Variants in PLEKHG7 observed in about 807,000 individuals in gnomAD.
PLEKHG7 encodes the protein pleckstrin homology and RhoGEF domain containing G7.
In PLEKHG7, 77 loss-of-function variants were observed where a neutral mutation model predicts 85.2. That is an observed-to-expected ratio of 0.90 (90% CI 0.75 to 1.09). The LOEUF (loss-of-function observed/expected upper bound fraction) is 1.09, where lower values mean the gene tolerates loss of function less well. Among genes scored for constraint, PLEKHG7 ranks in the 50% least tolerant of loss-of-function variants. The probability of loss-of-function intolerance (pLI) is 0.00; values close to 1 mark genes in which losing one functional copy is unlikely to be tolerated. For synonymous variants in PLEKHG7, 301 were observed against 302.4 expected (o/e 1.00, Z 0.05); for missense variants, 777 against 804.3 (o/e 0.97, Z 0.41).
intron 9 of PLEKHG7, among the ~76,000 whole-genome samples, chr12:92,745,160 T>C (rs751511479): frequency 2.0e-5 from 3 of 152,178 alleles, no homozygotes; most frequent in Non-Finnish European, 4.4e-5. Context: ...GTGTGGCACC[T>C]GAAGAAAGCT....
intron 12 of PLEKHG7, 67 bp from the exon 13 acceptor site, chr12:92,756,231 G>A: frequency 3.2e-6 from 4 of 1,244,374 alleles, no homozygotes; most frequent in Non-Finnish European, 4.6e-6. Flanking sequence ...AATTGCCCCA[G>A]CTTTTTAAAC....
chr12:92,720,198 AG>A (rs765538971), intron 3 of PLEKHG7, among the ~76,000 whole-genome samples: 1 of 152,230 alleles, frequency 6.6e-6, no homozygotes, highest in Non-Finnish European at 1.5e-5. Context: ...TGAAGGCTCT[AG>A]GGGAGGACTT....
At chr12:92,769,966 TAGTCTTCAGTTTTA>T (rs1350597580) in intron 16 of PLEKHG7, 108 bp from the exon 17 acceptor site, 1 of 616,126 alleles carries the variant, frequency 1.6e-6, no homozygotes, top group African/African-American at 1.9e-5. Flanking sequence ...AATGTTTCAT[TAGTCTTCAGTTTTA>T]AAGAGCTGGT....
At chr12:92,763,316 A>C (rs544369104) in intron 14 of PLEKHG7, among the ~76,000 whole-genome samples, 1 of 152,316 alleles carries the variant, frequency 6.6e-6, no homozygotes, top group South Asian at 2.1e-4. Context: ...ATTCTAGAGC[A>C]TGGAATCTAT....
intron 5 of PLEKHG7, among the ~76,000 whole-genome samples, chr12:92,733,005 G>A (rs1428012058): frequency 1.3e-5 from 2 of 152,164 alleles, no homozygotes; most frequent in African/African-American, 4.8e-5. Flanking sequence ...CTGTTACTAT[G>A]CCTCATTCTG....
At chr12:92,758,608 T>G (rs1302345655) in intron 13 of PLEKHG7, among the ~76,000 whole-genome samples, 6 of 152,238 alleles carry the variant, frequency 3.9e-5, no homozygotes, top group Non-Finnish European at 8.8e-5. Flanking sequence ...GAAAGACTCT[T>G]TACAAACAGA....
At chr12:92,748,852 C>T (rs1872609109) in intron 10 of PLEKHG7, among the ~76,000 whole-genome samples, 2 of 152,190 alleles carry the variant, frequency 1.3e-5, no homozygotes, top group African/African-American at 4.8e-5. Flanking sequence ...GGGAGAGACT[C>T]GCAGATACCC....
At chr12:92,753,883 C>T (rs1393450158) in intron 10 of PLEKHG7, among the ~76,000 whole-genome samples, 1 of 152,242 alleles carries the variant, frequency 6.6e-6, no homozygotes, top group African/African-American at 2.4e-5. Flanking sequence ...GGCTGGAACC[C>T]ACCTATTACT....
At chr12:92,707,261 A>C (rs1477973525) in intron 2 of PLEKHG7, 123 bp downstream of exon 2, 1 of 1,444,048 alleles carries the variant, frequency 6.9e-7, no homozygotes, top group Non-Finnish European at 9.1e-7. Context: ...AGGAAGTCAC[A>C]CTGAGGGGAC....
chr12:92,770,136 A>G lies in PLEKHG7; in HGVS notation c.2017A>G (p.Ser673Gly). Residue 673 changes from serine to glycine, a missense_variant, in exon 17 of 17, where the codon AGT (serine) becomes GGT (glycine). By Grantham distance (56) the Ser-to-Gly change is moderately conservative. This residue lies in a region of PLEKHG7 where 520 missense variants were observed against 544.0 expected (regional missense o/e 0.96). Transcript: ENST00000344636. ...AACTGCAATTTCTTGCTTTACCAAG[A>G]GTCAGGAAACCAAGAAAATATCTTT... ...ITTAISCFTK[S>G]QETKKISLFT... The G allele has an allele frequency of 2.5e-6, 4 of 1,608,906 alleles. No homozygotes were observed. Among genetic ancestry groups the G allele is most frequent in the Admixed American group, 1.7e-5 (1 of 59,166 alleles).
intron 10 of PLEKHG7, among the ~76,000 whole-genome samples, chr12:92,746,999 G>A (rs1389710096): frequency 6.6e-6 from 1 of 152,074 alleles, no homozygotes; most frequent in Non-Finnish European, 1.5e-5. Flanking sequence ...GACTTCAAAA[G>A]CATAGGCAAC....
intron 12 of PLEKHG7, 24 bp downstream of exon 12, chr12:92,755,964 A>G: frequency 6.7e-7 from 1 of 1,494,178 alleles, no homozygotes; most frequent in Non-Finnish European, 9.2e-7. Context: ...ATCAATTAGG[A>G]CTTATGTCCA....
chr12:92,715,186 C>G (rs936936902), intron 3 of PLEKHG7, among the ~76,000 whole-genome samples: 1 of 152,116 alleles, frequency 6.6e-6, no homozygotes, highest in Non-Finnish European at 1.5e-5. Flanking sequence ...GTCCAATGTT[C>G]GAGGGCAGGA....
intron 1 of PLEKHG7, among the ~76,000 whole-genome samples, chr12:92,705,793 A>G (rs1871212573): frequency 6.6e-6 from 1 of 152,250 alleles, no homozygotes; most frequent in Non-Finnish European, 1.5e-5. Flanking sequence ...ACTCCCATGA[A>G]TCAAGCTGTG....
chr12:92,740,015 A>G (rs1872302555), intron 7 of PLEKHG7, among the ~76,000 whole-genome samples: 1 of 152,320 alleles, frequency 6.6e-6, no homozygotes, highest in South Asian at 2.1e-4. Flanking sequence ...GCTCTGGTGT[A>G]ACAAAGTTGC....
intron 3 of PLEKHG7, among the ~76,000 whole-genome samples, chr12:92,715,648 T>C (rs1484536866): frequency 6.8e-6 from 1 of 146,184 alleles, no homozygotes; most frequent in Non-Finnish European, 1.5e-5. Flanking sequence ...GGTCATATAA[T>C]GTTAGGTGAA....
chr12:92,715,043 GA>G (rs1445453384), intron 3 of PLEKHG7, among the ~76,000 whole-genome samples: 27 of 151,990 alleles, frequency 1.8e-4, no homozygotes, highest in Middle Eastern at 3.4e-3. Flanking sequence ...TAGATAGATA[GA>G]TAGATAGATA....
chr12:92,745,647 A>T (rs1872516082), intron 10 of PLEKHG7, 56 bp downstream of exon 10: 7 of 1,127,136 alleles, frequency 6.2e-6, no homozygotes, highest in Non-Finnish European at 9.4e-6. Context: ...TGGGTGTCAC[A>T]TGTACTGGGA....
chr12:92,763,798 G>A (rs1873105018), intron 14 of PLEKHG7, among the ~76,000 whole-genome samples: 1 of 152,052 alleles, frequency 6.6e-6, no homozygotes, highest in Non-Finnish European at 1.5e-5. Context: ...CAGCCTGGGT[G>A]ACAGAGTGAG....
Sources: allele counts gnomAD v4.1 joint callset (sites outside exome capture counted in the v4.1 genomes callset), GRCh38; gene constraint gnomAD v4.1.1; regional missense constraint gnomAD v4.1.1; transcripts MANE v1.5; gene names NCBI Gene and HGNC (gene_info 2026-07-23, HGNC 2026-07-21).